FANCB: variants seen among roughly 807,000 people sequenced by gnomAD.
FANCB encodes FA complementation group B, also known as Fanconi anemia group B protein.
In FANCB, 5 loss-of-function variants were observed where a neutral mutation model predicts 38.9. The ratio of observed to expected loss-of-function variants is 0.13; its 90% confidence interval spans 0.07 to 0.27. The LOEUF (loss-of-function observed/expected upper bound fraction) is 0.27, where lower values mean the gene tolerates loss of function less well. FANCB is among the 10% of genes least tolerant of loss of function. The pLI, the probability that FANCB is intolerant of heterozygous loss-of-function variation, is 1.00. For synonymous variants in FANCB, 236 were observed against 215.4 expected (o/e 1.10, Z -0.84); for missense variants, 573 against 602.7 (o/e 0.95, Z 0.52).
chrX:14,735,322 C>T, the FANCB span, among the ~76,000 whole-genome samples: 55,342 of 109,906 alleles, frequency 0.5, 10,419 homozygotes, highest in Non-Finnish European at 0.58. Context: ...TTCTGTTTTT[C>T]GGAATTTTCA....
the FANCB span, among the ~76,000 whole-genome samples, chrX:14,820,711 G>A: frequency 4.5e-5 from 5 of 111,496 alleles, no homozygotes; most frequent in African/African-American, 1.6e-4. Flanking sequence ...ATCTAAAAAA[G>A]ATAACTGAGA....
At chrX:14,826,682 C>T in the FANCB span, among the ~76,000 whole-genome samples, 1 of 111,880 alleles carries the variant, frequency 8.9e-6, no homozygotes, top group African/African-American at 3.2e-5. Context: ...TCTGTATTAT[C>T]GAGATTAGTT....
the FANCB span, chrX:14,730,889 T>TAC: frequency 2.3e-5 from 3 of 129,234 alleles, no homozygotes; most frequent in Admixed American, 1.1e-4. Context: ...AAAAGTTAGC[T>TAC]ATACACACAC....
At chrX:14,771,392 G>A in the FANCB span, among the ~76,000 whole-genome samples, 2 of 110,865 alleles carry the variant, frequency 1.8e-5, no homozygotes, top group Admixed American at 9.6e-5. Context: ...GCATCTTCAA[G>A]CTCTGAGATT....
intron 5 of FANCB, among the ~76,000 whole-genome samples, chrX:14,857,032 T>C (rs759488620): frequency 5.7e-4 from 64 of 111,889 alleles, no homozygotes; most frequent in African/African-American, 2.0e-3. Context: ...CCTGCTGAAA[T>C]ACCTATGAGT....
At chrX:14,706,800 AT>A in the FANCB span, among the ~76,000 whole-genome samples, 13 of 112,395 alleles carry the variant, frequency 1.2e-4, no homozygotes, top group African/African-American at 4.2e-4. Flanking sequence ...GCACACATGC[AT>A]TGTAGTAAAA....
chrX:14,725,447 C>T, the FANCB span, among the ~76,000 whole-genome samples: 1 of 111,252 alleles, frequency 9.0e-6, no homozygotes, highest in East Asian at 2.8e-4. Flanking sequence ...GTGAGACTCA[C>T]TACAACCTTC....
chrX:14,778,416 GTTCAGAA>G, the FANCB span, among the ~76,000 whole-genome samples: 1 of 111,853 alleles, frequency 8.9e-6, no homozygotes, highest in Non-Finnish European at 1.9e-5. Context: ...TAATGCTGAG[GTTCAGAA>G]TTCCCACCTA....
At chrX:14,735,561 G>A in the FANCB span, among the ~76,000 whole-genome samples, 1 of 112,201 alleles carries the variant, frequency 8.9e-6, no homozygotes, top group Non-Finnish European at 1.9e-5. Flanking sequence ...ATCACCAGCA[G>A]AGGCTGCAGA....
chrX:14,715,073 GA>G, the FANCB span, among the ~76,000 whole-genome samples: 14 of 111,953 alleles, frequency 1.3e-4, no homozygotes, highest in East Asian at 2.8e-3. Context: ...ATACATAAAT[GA>G]AAAAAAGTCT....
the FANCB span, among the ~76,000 whole-genome samples, chrX:14,813,510 T>C: frequency 9.0e-6 from 1 of 111,263 alleles, no homozygotes; most frequent in Non-Finnish European, 1.9e-5. Context: ...CAAGCATTCC[T>C]ATACACTATA....
the FANCB span, among the ~76,000 whole-genome samples, chrX:14,740,953 A>AACACACGCACACACACAC: frequency 1.8e-5 from 2 of 110,013 alleles, no homozygotes; most frequent in African/African-American, 6.7e-5. Context: ...CTAATACACA[A>AACACACGCACACACACAC]ACACATGCAC....
At position 14,865,565 on chromosome X, in the gene FANCB, G is replaced by T; in HGVS notation, c.-55C>A. 1 of 956,265 alleles carries T rather than the reference G, an allele frequency of 1.0e-6. No individual in the cohort carries two copies. Among genetic ancestry groups the T allele is most frequent in the Non-Finnish European group, 1.5e-6 (1 of 674,966 alleles). 78.8% of individuals were successfully genotyped at this position (956,265 alleles called of 1,213,427 possible). A position where few individuals can be genotyped will look rare whatever the true frequency, so the allele number is the denominator to read the frequency against. On this transcript the variant is annotated 5_prime_UTR_variant, in exon 3 of 10. It adds an upstream start codon to the 5' untranslated region. Coordinates refer to ENST00000650831, the MANE Select transcript of FANCB (RefSeq NM_001018113.3). ...AATTTTCAAATGCAAATTGATTCCA[G>T]TTGATGTTTCTAAACCTAAAAAAGA...
At chrX:14,757,061 CAAAGT>C in the FANCB span, among the ~76,000 whole-genome samples, 43 of 112,235 alleles carry the variant, frequency 3.8e-4, no homozygotes, top group African/African-American at 1.3e-3. Context: ...ATTAAAAAGA[CAAAGT>C]AATTAATGCT....
chrX:14,845,721 T>G (rs1046309560), intron 7 of FANCB, among the ~76,000 whole-genome samples: 1 of 112,052 alleles, frequency 8.9e-6, no homozygotes, highest in Admixed American at 9.4e-5. Context: ...ATTTTGGTGA[T>G]ACGTTAGAAT....
At chrX:14,826,708 C>T in the FANCB span, among the ~76,000 whole-genome samples, 6 of 111,909 alleles carry the variant, frequency 5.4e-5, no homozygotes, top group Admixed American at 3.8e-4. Flanking sequence ...AGACAGGAGT[C>T]ACAAATAATG....
chrX:14,799,806 G>A, the FANCB span, among the ~76,000 whole-genome samples: 1 of 112,100 alleles, frequency 8.9e-6, no homozygotes, highest in Non-Finnish European at 1.9e-5. Flanking sequence ...CTGAAAGAAA[G>A]GTGATCTTTA....
At chrX:14,690,834 G>A in the FANCB span, 3 of 1,207,922 alleles carry the variant, frequency 2.5e-6, no homozygotes, top group Middle Eastern at 4.6e-4. Context: ...CTGCGCCTCC[G>A]AAGAAGACAG....
At chrX:14,774,676 G>A in the FANCB span, among the ~76,000 whole-genome samples, 1 of 111,983 alleles carries the variant, frequency 8.9e-6, no homozygotes, top group African/African-American at 3.2e-5. Context: ...CAACTCAGAG[G>A]AAAAGTACAA....
Sources: gnomAD v4.1 joint callset for allele counts (sites outside exome capture counted in the v4.1 genomes callset) on GRCh38, gnomAD v4.1.1 for gene constraint, MANE v1.5 for transcripts, NCBI Gene and HGNC (gene_info 2026-07-23, HGNC 2026-07-21) for gene names.